Variants in MSI2 observed in about 807,000 individuals in gnomAD.
MSI2 encodes RNA-binding protein Musashi homolog 2.
MSI2 carries 17 observed loss-of-function variants against 45.6 expected under a neutral mutation model. That is an observed-to-expected ratio of 0.37 (90% CI 0.26 to 0.56). MSI2 has a LOEUF of 0.56. Ranked by LOEUF, MSI2 falls within the 20% of genes least tolerant of loss-of-function variation. The pLI, the probability that MSI2 is intolerant of heterozygous loss-of-function variation, is 0.77. For synonymous variants in MSI2, 156 were observed against 158.2 expected (o/e 0.99, Z 0.11); for missense variants, 293 against 444.2 (o/e 0.66, Z 3.06).
At chr17:57,461,234 C>T (rs1190099793) in intron 6 of MSI2, among the ~76,000 whole-genome samples, 1 of 152,174 alleles carries the variant, frequency 6.6e-6, no homozygotes, top group African/African-American at 2.4e-5. Context: ...CTTCTCTGGG[C>T]TCCACACACA....
rs367629243 is a variant in MSI2, at chr17:57,352,946, T to TG, written c.313-48430dup. Among the ~76,000 whole-genome samples, 831 of 152,268 alleles carry TG rather than the reference T, an allele frequency of 5.5e-3. 6 individuals carry two copies. Among genetic ancestry groups the TG allele is most frequent in the Non-Finnish European group, 7.7e-3 (525 of 68,006 alleles). On this transcript the variant is annotated intron_variant, in intron 5 of 13. Transcript: ENST00000284073. ...AGTAGGAAATTAGTAATGACTGGAC[T>TG]GGGTGAGGGTGACTCTTGTAATTTT...
chr17:57,366,889 G>T (rs1355546165), intron 5 of MSI2, among the ~76,000 whole-genome samples: 1 of 152,144 alleles, frequency 6.6e-6, no homozygotes, highest in Non-Finnish European at 1.5e-5. Context: ...TTATTTGCTA[G>T]TCTGTCGTTA....
chr17:57,633,312 C>A (rs1427543165), intron 10 of MSI2: 5 of 438,780 alleles, frequency 1.1e-5, no homozygotes, highest in Non-Finnish European at 1.5e-5. Context: ...CTCCCCCTGG[C>A]TGCCGCCTGT....
At position 57,333,291 on chromosome 17, in the gene MSI2, A is replaced by G. The variant is rs79894684; in HGVS notation, c.313-68088A>G. On this transcript the variant is annotated intron_variant, in intron 5 of 13. Coordinates refer to ENST00000284073, the MANE Select transcript of MSI2 (RefSeq NM_138962.4). ...TGTAAGCTTTATCTATTACTAGCAAATGACTACTTTTTGGAATTATTTTTC... is the reference window on the plus strand; with the variant it reads ...TGTAAGCTTTATCTATTACTAGCAAGTGACTACTTTTTGGAATTATTTTTC... Among the ~76,000 whole-genome samples, 720 of 152,234 alleles carry G rather than the reference A, an allele frequency of 4.7e-3. 5 individuals are homozygous for G. The highest frequency in any genetic ancestry group is 7.2e-3 in the Non-Finnish European group (493 of 68,002).
intron 7 of MSI2, among the ~76,000 whole-genome samples, chr17:57,565,106 A>G (rs2087695659): frequency 6.6e-6 from 1 of 152,218 alleles, no homozygotes; most frequent in South Asian, 2.1e-4. Context: ...GACACAGAAT[A>G]TGCATCAAAG....
intron 7 of MSI2, among the ~76,000 whole-genome samples, chr17:57,589,073 C>T (rs1049366334): frequency 1.4e-4 from 22 of 152,084 alleles, no homozygotes; most frequent in African/African-American, 3.9e-4. Context: ...GAAGCAGATG[C>T]GAGTTGTAAT....
At chr17:57,615,183 A>AG (rs1270201346) in intron 8 of MSI2, among the ~76,000 whole-genome samples, 5 of 147,432 alleles carry the variant, frequency 3.4e-5, no homozygotes, top group African/African-American at 1.0e-4. Context: ...GCTGGAGTGC[A>AG]GTGGCGTGAT....
At chr17:57,367,049 G>T (rs1247523834) in intron 5 of MSI2, among the ~76,000 whole-genome samples, 1 of 152,172 alleles carries the variant, frequency 6.6e-6, no homozygotes, top group Non-Finnish European at 1.5e-5. Flanking sequence ...CTGAACTATT[G>T]GCTTGTTTTC....
chr17:57,471,430 A>T (rs1204529560), intron 6 of MSI2, among the ~76,000 whole-genome samples: 1 of 151,622 alleles, frequency 6.6e-6, no homozygotes, highest in Non-Finnish European at 1.5e-5. Flanking sequence ...AGCTGGGATT[A>T]CAGGCGGCTG....
the MSI2 span, among the ~76,000 whole-genome samples, chr17:57,690,255 A>G: frequency 6.7e-6 from 1 of 150,140 alleles, no homozygotes; most frequent in African/African-American, 2.5e-5. Context: ...ATCTTTTTGC[A>G]TGTTATCAAC....
At chr17:57,386,075 G>C (rs1433640304) in intron 5 of MSI2, among the ~76,000 whole-genome samples, 1 of 152,122 alleles carries the variant, frequency 6.6e-6, no homozygotes, top group Non-Finnish European at 1.5e-5. Context: ...TATTTTACTT[G>C]ACCTTTTGAC....
chr17:57,525,234 C>T (rs2086672244), intron 6 of MSI2, among the ~76,000 whole-genome samples: 1 of 152,172 alleles, frequency 6.6e-6, no homozygotes, highest in African/African-American at 2.4e-5. Flanking sequence ...ATCCCATTCC[C>T]CACCAGCTTA....
chr17:57,687,878 G>A (rs186953478), downstream of MSI2, among the ~76,000 whole-genome samples: 216 of 152,084 alleles, frequency 1.4e-3, no homozygotes, highest in Non-Finnish European at 2.5e-3. Flanking sequence ...GGCCAAGCAG[G>A]ACTTCTTTCA....
At position 57,571,376 on chromosome 17, in the gene MSI2, A is replaced by G. The variant is rs549747381; in HGVS notation, c.455-25492A>G. Among the ~76,000 whole-genome samples, 5 of 152,274 alleles carry G rather than the reference A, an allele frequency of 3.3e-5. No homozygotes were observed. In the East Asian group the frequency reaches 9.7e-4, roughly 29 times the overall value. On this transcript the variant is annotated intron_variant, in intron 7 of 13. Transcript: ENST00000284073. ...GGCCTGACCTTGCCACCTCAGAACCATGAGACAGGAGGATGCAGGAAGGGG... is the reference window on the plus strand; with the variant it reads ...GGCCTGACCTTGCCACCTCAGAACCGTGAGACAGGAGGATGCAGGAAGGGG...
intron 10 of MSI2, chr17:57,632,728 A>G (rs1222814726): frequency 1.9e-6 from 2 of 1,065,690 alleles, no homozygotes; most frequent in Admixed American, 5.3e-5. Context: ...ATGACGTACC[A>G]CTCAGTTGGA....
intron 9 of MSI2, among the ~76,000 whole-genome samples, chr17:57,624,468 A>G (rs1250099273): frequency 1.3e-5 from 2 of 152,198 alleles, no homozygotes; most frequent in Non-Finnish European, 1.5e-5. Flanking sequence ...GCATGTGTCC[A>G]TTTAAGGCAT....
chr17:57,551,726 C>T (rs1397322776), intron 7 of MSI2, among the ~76,000 whole-genome samples: 1 of 152,130 alleles, frequency 6.6e-6, no homozygotes, highest in Non-Finnish European at 1.5e-5. Flanking sequence ...CCCAGTTGGC[C>T]ATTTGCATAT....
intron 7 of MSI2, among the ~76,000 whole-genome samples, chr17:57,570,684 C>T (rs1025776891): frequency 4.6e-5 from 7 of 152,176 alleles, no homozygotes; most frequent in African/African-American, 1.7e-4. Context: ...GAAAAGCCAA[C>T]AACCAAAAAC....
At chr17:57,497,183 G>C (rs2085996618) in intron 6 of MSI2, among the ~76,000 whole-genome samples, 2 of 152,148 alleles carry the variant, frequency 1.3e-5, no homozygotes, top group African/African-American at 4.8e-5. Context: ...CACCATGTTG[G>C]CCAGGCTAGT....
Sources: allele counts gnomAD v4.1 joint callset (sites outside exome capture counted in the v4.1 genomes callset), GRCh38; gene constraint gnomAD v4.1.1; transcripts MANE v1.5; gene names NCBI Gene and HGNC (gene_info 2026-07-23, HGNC 2026-07-21).